EEPD1: variants seen among roughly 807,000 people sequenced by gnomAD.
EEPD1 encodes the protein endonuclease/exonuclease/phosphatase family domain-containing protein 1.
A neutral mutation model predicts 46.3 loss-of-function variants in EEPD1; 17 were observed. That is an observed-to-expected ratio of 0.37 (90% CI 0.25 to 0.55). The LOEUF (loss-of-function observed/expected upper bound fraction) is 0.55, where lower values mean the gene tolerates loss of function less well. EEPD1 is among the 20% of genes least tolerant of loss of function. EEPD1 has a pLI of 0.83. For synonymous variants in EEPD1, 313 were observed against 315.6 expected, an observed-to-expected ratio of 0.99 and a Z score of 0.09; for missense variants, 673 against 745.6, an observed-to-expected ratio of 0.90 and a Z score of 1.13.
intron 3 of EEPD1, among the ~76,000 whole-genome samples, chr7:36,247,339 T>C (rs930721244): frequency 1.3e-5 from 2 of 152,178 alleles, no homozygotes; most frequent in African/African-American, 4.8e-5. Flanking sequence ...TTTCTGAATA[T>C]ACACACATGT....
intron 3 of EEPD1, among the ~76,000 whole-genome samples, chr7:36,265,021 A>G (rs2115837263): frequency 6.6e-6 from 1 of 152,314 alleles, no homozygotes; most frequent in Non-Finnish European, 1.5e-5. Flanking sequence ...AAAATAAGTC[A>G]TGAATCAGTA....
At chr7:36,202,425 T>G (rs1319590324) in intron 2 of EEPD1, among the ~76,000 whole-genome samples, 2 of 151,890 alleles carry the variant, frequency 1.3e-5, no homozygotes, top group African/African-American at 4.8e-5. Flanking sequence ...CTAGCCGGGG[T>G]GAAGCATGCC....
chr7:36,252,258 G>C (rs1045917477), intron 3 of EEPD1, among the ~76,000 whole-genome samples: 3 of 152,196 alleles, frequency 2.0e-5, no homozygotes, highest in Non-Finnish European at 2.9e-5. Context: ...GAAGGTTTTG[G>C]GGGCGCAGTT....
intron 2 of EEPD1, among the ~76,000 whole-genome samples, chr7:36,216,789 C>T (rs538097222): frequency 8.5e-5 from 13 of 152,140 alleles, no homozygotes; most frequent in Non-Finnish European, 1.9e-4. Context: ...CAGTAATTTA[C>T]AACATTACTT....
rs56201765 is a variant in EEPD1, at chr7:36,250,890, C to T, written c.930+11854C>T. On this transcript the variant is annotated intron_variant, in intron 3 of 7. Transcript: ENST00000242108. ...GTGGAGGTAGGATTCATTTCTTTACCCCCAAAATGTTGAAATAGCTTCTCT... is the reference window on the plus strand; with the variant it reads ...GTGGAGGTAGGATTCATTTCTTTACTCCCAAAATGTTGAAATAGCTTCTCT... Among the ~76,000 whole-genome samples the T allele has an allele frequency of 6.9e-3, 1,052 of 152,192 alleles. 17 individuals carry two copies. Among genetic ancestry groups the T allele is most frequent in the African/African-American group, 0.024 (1,004 of 41,528 alleles).
chr7:36,213,352 A>G (rs1224599391), intron 2 of EEPD1, among the ~76,000 whole-genome samples: 2 of 152,094 alleles, frequency 1.3e-5, no homozygotes, highest in Non-Finnish European at 2.9e-5. Context: ...ATGGTGTCTG[A>G]GATGGGGAAA....
intron 3 of EEPD1, among the ~76,000 whole-genome samples, chr7:36,277,443 A>C (rs1347780974): frequency 6.6e-6 from 1 of 152,214 alleles, no homozygotes; most frequent in Non-Finnish European, 1.5e-5. Context: ...CTCCAGCTTG[A>C]GAAGCTCGTA....
intron 2 of EEPD1, among the ~76,000 whole-genome samples, chr7:36,215,255 A>G (rs1343035248): frequency 6.6e-6 from 1 of 152,208 alleles, no homozygotes; most frequent in African/African-American, 2.4e-5. Flanking sequence ...CCAGGGCAGT[A>G]GGCGCCTTGG....
chr7:36,253,834 T>G (rs892668359), intron 3 of EEPD1, among the ~76,000 whole-genome samples: 52 of 152,332 alleles, frequency 3.4e-4, no homozygotes, highest in African/African-American at 1.2e-3. Flanking sequence ...ATCTTAAATG[T>G]GTCTCCTGTA....
chr7:36,270,869 G>C (rs1174614372), intron 3 of EEPD1, among the ~76,000 whole-genome samples: 1 of 152,114 alleles, frequency 6.6e-6, no homozygotes, highest in Non-Finnish European at 1.5e-5. Flanking sequence ...AGATCCTTGA[G>C]GAATCGCCAC....
At chr7:36,293,189 TGTG>T (rs751735598) in intron 6 of EEPD1, among the ~76,000 whole-genome samples, 19 of 152,018 alleles carry the variant, frequency 1.2e-4, no homozygotes, top group Non-Finnish European at 2.1e-4. Context: ...TACTTAGAAA[TGTG>T]GTGGTAAAGT....
At chr7:36,293,560 C>A (rs11983958) in intron 6 of EEPD1, among the ~76,000 whole-genome samples, 1 of 152,104 alleles carries the variant, frequency 6.6e-6, no homozygotes, top group African/African-American at 2.4e-5. Flanking sequence ...TAGAGCTCCC[C>A]GGCTCCAACT....
At chr7:36,179,696 C>CAA (rs1785239554) in intron 2 of EEPD1, among the ~76,000 whole-genome samples, 1 of 41,930 alleles carries the variant, frequency 2.4e-5, no homozygotes, top group Non-Finnish European at 4.6e-5. Context: ...CCTGTCTCTA[C>CAA]TAAAAAAAAA....
chr7:36,218,709 A>G (rs148510747), intron 2 of EEPD1, among the ~76,000 whole-genome samples: 65 of 152,286 alleles, frequency 4.3e-4, no homozygotes, highest in African/African-American at 1.5e-3. Context: ...AAAAAGTGAA[A>G]CTGCAGATAT....
At chr7:36,159,850 T>C (rs1167096391) in intron 2 of EEPD1, among the ~76,000 whole-genome samples, 1 of 152,226 alleles carries the variant, frequency 6.6e-6, no homozygotes, top group Admixed American at 6.5e-5. Flanking sequence ...GTCTGTGACC[T>C]TGGGCCTGAC....
intron 3 of EEPD1, among the ~76,000 whole-genome samples, chr7:36,270,326 T>C (rs977479293): frequency 6.6e-6 from 1 of 152,204 alleles, no homozygotes; most frequent in Admixed American, 6.5e-5. Context: ...TTTTTTATTA[T>C]ACTTTAAGTT....
chr7:36,162,441 C>T (rs1250316823), intron 2 of EEPD1, among the ~76,000 whole-genome samples: 1 of 152,110 alleles, frequency 6.6e-6, no homozygotes, highest in African/African-American at 2.4e-5. Context: ...CCCAGGAGTT[C>T]GAGACTAGCC....
chr7:36,197,701 G>T (rs1304598362), intron 2 of EEPD1, among the ~76,000 whole-genome samples: 1 of 152,158 alleles, frequency 6.6e-6, no homozygotes, highest in Non-Finnish European at 1.5e-5. Context: ...TTGTTAAACA[G>T]ATGCTTGAAG....
At chr7:36,241,847 G>A (rs769880453) in intron 3 of EEPD1, among the ~76,000 whole-genome samples, 8 of 152,200 alleles carry the variant, frequency 5.3e-5, no homozygotes, top group Non-Finnish European at 5.9e-5. Flanking sequence ...CAGTCTGGGC[G>A]AGAGAGTAGG....
Sources: gnomAD v4.1 joint callset for allele counts (sites outside exome capture counted in the v4.1 genomes callset) on GRCh38, gnomAD v4.1.1 for gene constraint, MANE v1.5 for transcripts, NCBI Gene and HGNC (gene_info 2026-07-23, HGNC 2026-07-21) for gene names.